EDNRB: variants seen among roughly 807,000 people sequenced by gnomAD.
EDNRB encodes Hirschsprung disease 2.
Under a neutral mutation model 46.4 loss-of-function variants are expected in EDNRB, and 18 were observed. The observed-to-expected ratio is 0.39, with a 90% CI of 0.27 to 0.57. The LOEUF (loss-of-function observed/expected upper bound fraction) is 0.57, where lower values mean the gene tolerates loss of function less well. EDNRB is among the 20% of genes least tolerant of loss of function. EDNRB has a pLI of 0.61. For missense variants in EDNRB, 434 were observed against 537.5 expected (o/e 0.81, Z 1.90); for synonymous variants, 213 against 204.9 (o/e 1.04, Z -0.34).
At chr13:77,921,692 C>T (rs561815426), upstream of EDNRB, among the ~76,000 whole-genome samples, 1 of 152,286 alleles carries the variant, frequency 6.6e-6, no homozygotes, top group African/African-American at 2.4e-5. Flanking sequence ...AATATTTCAC[C>T]TTAACATGTA....
At chr13:77,971,910 G>C (rs1436613747) in intron 1 of EDNRB, among the ~76,000 whole-genome samples, 1 of 152,298 alleles carries the variant, frequency 6.6e-6, no homozygotes, top group East Asian at 1.9e-4. Context: ...ATTCGGCAGA[G>C]TGCCCAGTAA....
intron 1 of EDNRB, among the ~76,000 whole-genome samples, chr13:77,955,084 T>A (rs538379740): frequency 8.5e-5 from 13 of 152,326 alleles, no homozygotes; most frequent in Admixed American, 5.2e-4. Flanking sequence ...CATTCCCACC[T>A]ACAATGTACA....
At chr13:77,909,464 T>C (rs979004955) in intron 1 of EDNRB, among the ~76,000 whole-genome samples, 3 of 151,982 alleles carry the variant, frequency 2.0e-5, no homozygotes, top group African/African-American at 7.2e-5. Flanking sequence ...AAAATCCTGT[T>C]AACACACACC....
chr13:77,973,028 T>C (rs1022911633), intron 1 of EDNRB, among the ~76,000 whole-genome samples: 3 of 152,186 alleles, frequency 2.0e-5, no homozygotes, highest in African/African-American at 4.8e-5. Context: ...AGGCTGGTGC[T>C]GGTTTACTGG....
chr13:77,974,077 T>C (rs1881814576), intron 1 of EDNRB, among the ~76,000 whole-genome samples: 1 of 152,144 alleles, frequency 6.6e-6, no homozygotes, highest in African/African-American at 2.4e-5. Context: ...AACTTTACTT[T>C]TGTTGAAAAC....
In EDNRB at chr13:77,898,151, G is replaced by T; in HGVS notation, c.*49C>A. Reference sequence around the variant, plus strand: ...GGCAAATGTTTCATTTTGTTTTAATGACTTCGGTCCAATATAAAGAAAATG... The same window carrying T: ...GGCAAATGTTTCATTTTGTTTTAATTACTTCGGTCCAATATAAAGAAAATG... On this transcript the variant is annotated 3_prime_UTR_variant, in exon 7 of 7. Coordinates refer to ENST00000646607, the MANE Select transcript of EDNRB (RefSeq NM_001122659.3). 2 of 1,599,090 alleles carry T rather than the reference G, an allele frequency of 1.3e-6. No homozygotes were observed. Among genetic ancestry groups the T allele is most frequent in the African/African-American group, 1.3e-5 (1 of 74,640 alleles).
chr13:77,957,452 G>A (rs567020678), intron 1 of EDNRB, among the ~76,000 whole-genome samples: 24 of 152,116 alleles, frequency 1.6e-4, no homozygotes, highest in African/African-American at 2.9e-4. Context: ...AAATCACTAC[G>A]ATATAGTAAT....
At chr13:77,901,379 C>T (rs1398991945) in intron 3 of EDNRB, among the ~76,000 whole-genome samples, 172 bp from the exon 4 acceptor site, 1 of 151,888 alleles carries the variant, frequency 6.6e-6, no homozygotes, top group African/African-American at 2.4e-5. Flanking sequence ...AATAAATAGT[C>T]ATGTTAAATA....
intron 1 of EDNRB, among the ~76,000 whole-genome samples, chr13:77,936,600 C>G (rs541013039): frequency 1.3e-5 from 2 of 152,302 alleles, no homozygotes; most frequent in East Asian, 3.9e-4. Flanking sequence ...GCTGCTAAGC[C>G]GAGAAGATCT....
intron 1 of EDNRB, among the ~76,000 whole-genome samples, chr13:77,955,835 A>ATGTG (rs1469628882): frequency 2.0e-5 from 3 of 147,688 alleles, no homozygotes; most frequent in Non-Finnish European, 4.5e-5. Context: ...GGGTGTGTGT[A>ATGTG]TGTGTGTGTG....
chr13:77,961,510 C>T (rs903434827), intron 1 of EDNRB, among the ~76,000 whole-genome samples: 4 of 152,180 alleles, frequency 2.6e-5, no homozygotes, highest in Non-Finnish European at 5.9e-5. Context: ...GGAAACTGAA[C>T]AACCCACTCC....
At chr13:77,944,544 T>C (rs918388382) in intron 1 of EDNRB, among the ~76,000 whole-genome samples, 1 of 151,974 alleles carries the variant, frequency 6.6e-6, no homozygotes, top group Non-Finnish European at 1.5e-5. Flanking sequence ...CTAGAGGAGA[T>C]AAATAGGTGC....
chr13:77,922,628 G>A (rs1270352844), upstream of EDNRB, among the ~76,000 whole-genome samples: 1 of 152,170 alleles, frequency 6.6e-6, no homozygotes, highest in Non-Finnish European at 1.5e-5. Flanking sequence ...AAGTTTTAAA[G>A]TGACTGCAAA....
intron 1 of EDNRB, among the ~76,000 whole-genome samples, chr13:77,914,504 T>C (rs1314628511): frequency 6.6e-6 from 1 of 152,230 alleles, no homozygotes; most frequent in African/African-American, 2.4e-5. Flanking sequence ...TGTTGTGTAA[T>C]GTAGGCATAG....
intron 1 of EDNRB, among the ~76,000 whole-genome samples, chr13:77,931,744 C>CA (rs67176737): frequency 0.024 from 2,017 of 83,368 alleles, 83 homozygotes; most frequent in East Asian, 0.11. Flanking sequence ...ACTGTAGTAG[C>CA]AAAAAAAAAA....
Position 77,903,314 on chromosome 13 carries a change from G to T in EDNRB, c.643C>A (p.Pro215Thr). Residue 215 changes from proline (P) to threonine (T), a missense_variant, in exon 3 of 7, where the codon CCA (proline) becomes ACA (threonine). Physicochemically the swap from Pro to Thr is conservative, Grantham distance 38. Transcript: ENST00000646607. Reference protein sequence around the residue: ...SWSRIKGIGVPKWTAVEIVLI... With the variant: ...SWSRIKGIGVTKWTAVEIVLI... ...ACAATTTCTACTGCTGTCCATTTTG[G>T]AACCCCAATTCCTTTAATTCTACTC... The T allele has an allele frequency of 2.5e-6, 4 of 1,612,582 alleles. No individual in the cohort carries two copies. The highest frequency in any genetic ancestry group is 1.7e-6 in the Non-Finnish European group (2 of 1,179,258).
chr13:77,931,572 C>G (rs769645164), intron 1 of EDNRB, among the ~76,000 whole-genome samples: 1 of 151,824 alleles, frequency 6.6e-6, no homozygotes, highest in African/African-American at 2.4e-5. Flanking sequence ...ACATCAGTGG[C>G]CTCTAACAAA....
At chr13:77,972,396 T>C (rs1051921771) in intron 1 of EDNRB, among the ~76,000 whole-genome samples, 1 of 152,218 alleles carries the variant, frequency 6.6e-6, no homozygotes, top group Non-Finnish European at 1.5e-5. Flanking sequence ...AGTCTTTAAC[T>C]TCTATGATCC....
intron 1 of EDNRB, among the ~76,000 whole-genome samples, chr13:77,962,897 T>C (rs1298068678): frequency 6.6e-6 from 1 of 152,200 alleles, no homozygotes; most frequent in African/African-American, 2.4e-5. Flanking sequence ...CAAAATCTCC[T>C]TAAGCTGATA....
Sources: gnomAD v4.1 joint callset for allele counts (sites outside exome capture counted in the v4.1 genomes callset) on GRCh38, gnomAD v4.1.1 for gene constraint, MANE v1.5 for transcripts, NCBI Gene and HGNC (gene_info 2026-07-23, HGNC 2026-07-21) for gene names.